CUX2: variants seen among roughly 807,000 people sequenced by gnomAD.
The protein encoded by CUX2 is homeobox protein cut-like 2.
Under a neutral mutation model 144.8 loss-of-function variants are expected in CUX2, and 40 were observed. The ratio of observed to expected loss-of-function variants is 0.28; its 90% CI spans 0.21 to 0.36. CUX2 has a LOEUF of 0.36. Among genes scored for constraint, CUX2 ranks in the 10% least tolerant of loss-of-function variants. CUX2 has a pLI of 1.00. For synonymous variants in CUX2, 827 were observed against 875.6 expected (o/e 0.94, Z 0.98); for missense variants, 1,615 against 1,994.0 (o/e 0.81, Z 3.62).
intron 3 of CUX2, among the ~76,000 whole-genome samples, chr12:111,222,131 A>G (rs1415743724): frequency 1.3e-5 from 2 of 152,214 alleles, no homozygotes; most frequent in African/African-American, 4.8e-5. Flanking sequence ...GCAACATGCA[A>G]TTAGCAGTTC....
At chr12:111,100,739 A>G (rs1873173762) in intron 1 of CUX2, among the ~76,000 whole-genome samples, 2 of 152,208 alleles carry the variant, frequency 1.3e-5, no homozygotes, top group African/African-American at 2.4e-5. Flanking sequence ...GACTGAGCAC[A>G]CGTTGCACAG....
intron 1 of CUX2, among the ~76,000 whole-genome samples, chr12:111,164,078 C>T (rs1288729392): frequency 6.6e-6 from 1 of 152,150 alleles, no homozygotes; most frequent in Non-Finnish European, 1.5e-5. Flanking sequence ...GCACTTAGAA[C>T]AGTCCCTGGC....
intron 1 of CUX2, among the ~76,000 whole-genome samples, chr12:111,080,926 A>G (rs974423504): frequency 1.1e-4 from 16 of 152,222 alleles, no homozygotes; most frequent in Non-Finnish European, 2.1e-4. Flanking sequence ...TTCCTCATCT[A>G]TAAAGTGGAG....
intron 3 of CUX2, among the ~76,000 whole-genome samples, chr12:111,223,119 C>A (rs1881940460): frequency 6.6e-6 from 1 of 152,092 alleles, no homozygotes; most frequent in South Asian, 2.1e-4. Context: ...CTCAACAGAT[C>A]CTTGTGGAGA....
chr12:111,191,180 T>C (rs996357846), intron 1 of CUX2, among the ~76,000 whole-genome samples: 2 of 152,116 alleles, frequency 1.3e-5, no homozygotes, highest in African/African-American at 4.8e-5. Context: ...GGGATAATGG[T>C]GGTACTCAAC....
intron 9 of CUX2, among the ~76,000 whole-genome samples, chr12:111,301,394 C>T (rs1837976578): frequency 6.6e-6 from 1 of 152,094 alleles, no homozygotes; most frequent in African/African-American, 2.4e-5. Flanking sequence ...AGGAGAGGGA[C>T]CTTCTGAGAG....
At chr12:111,036,665 G>A (rs1869470825) in intron 1 of CUX2, among the ~76,000 whole-genome samples, 2 of 150,980 alleles carry the variant, frequency 1.3e-5, no homozygotes, top group African/African-American at 4.9e-5. Context: ...AATGGCTAGT[G>A]TGTCTGGCAC....
chr12:111,197,576 C>A (rs905110502), intron 1 of CUX2, among the ~76,000 whole-genome samples: 1 of 152,202 alleles, frequency 6.6e-6, no homozygotes, highest in Non-Finnish European at 1.5e-5. Flanking sequence ...GAGAAAACAA[C>A]ACCCTCCTTC....
chr12:111,199,444 G>T (rs554245596), intron 1 of CUX2, among the ~76,000 whole-genome samples: 2 of 152,254 alleles, frequency 1.3e-5, no homozygotes, highest in South Asian at 4.1e-4. Context: ...ACAGACTCAG[G>T]CGTTAGGATT....
At chr12:111,098,485 C>G (rs1257133323) in intron 1 of CUX2, among the ~76,000 whole-genome samples, 1 of 152,018 alleles carries the variant, frequency 6.6e-6, no homozygotes, top group Non-Finnish European at 1.5e-5. Flanking sequence ...TTCCCGGGTA[C>G]AGGCCAACGA....
chr12:111,348,410 G>C lies in CUX2; in HGVS notation c.*85G>C. 1 of 1,269,884 alleles carries C rather than the reference G, an allele frequency of 7.9e-7. No individual in the cohort carries two copies. The highest frequency in any genetic ancestry group is 1.1e-6 in the Non-Finnish European group (1 of 913,168). The allele number at this position is 1,269,884 out of a possible 1,614,324, so 78.7% of individuals were successfully genotyped here. On this transcript the variant is annotated 3_prime_UTR_variant, in exon 22 of 22. Coordinates refer to ENST00000261726, the MANE Select transcript of CUX2 (RefSeq NM_015267.4). ...CTCCTCAACAGGATGGGGTAAGGGA[G>C]GGAGGAACTCAACCATCAAAATGTG...
rs1213708624 is a variant in CUX2 at position 111,184,596 on chromosome 12, A to AG, written c.64-29604_64-29603insG. Among the ~76,000 whole-genome samples, 87 of 150,818 alleles carry AG rather than the reference A, an allele frequency of 5.8e-4. 1 individual carries two copies. In the East Asian group the frequency reaches 0.014, roughly 24 times the overall value. ...ACCAAAAAAAAAAAAAAAAAAAAAAAAAACAGAAAAATTAGCTGGGTAAGG... is the reference window on the plus strand; with the variant it reads ...ACCAAAAAAAAAAAAAAAAAAAAAAAGAAACAGAAAAATTAGCTGGGTAAGG... On this transcript the variant is annotated intron_variant, in intron 1 of 21. Coordinates refer to ENST00000261726, the MANE Select transcript of CUX2 (RefSeq NM_015267.4).
chr12:111,044,787 G>A (rs1225372962), intron 1 of CUX2, among the ~76,000 whole-genome samples: 1 of 152,142 alleles, frequency 6.6e-6, no homozygotes, highest in African/African-American at 2.4e-5. Flanking sequence ...TCACCTTGAG[G>A]GGCAGTCTTG....
intron 1 of CUX2, among the ~76,000 whole-genome samples, chr12:111,182,280 ATAAT>A (rs1240942958): frequency 1.3e-5 from 2 of 152,240 alleles, no homozygotes; most frequent in African/African-American, 4.8e-5. Flanking sequence ...ACCACTTGAA[ATAAT>A]TAATTCCTCT....
chr12:111,138,623 G>T (rs542934374), intron 1 of CUX2, among the ~76,000 whole-genome samples: 10 of 152,200 alleles, frequency 6.6e-5, no homozygotes, highest in Non-Finnish European at 1.3e-4. Context: ...CTTCTTGATT[G>T]AATGCTAGGA....
chr12:111,241,740 C>T (rs963527273), intron 3 of CUX2, among the ~76,000 whole-genome samples: 2 of 152,276 alleles, frequency 1.3e-5, no homozygotes, highest in Non-Finnish European at 2.9e-5. Flanking sequence ...GCAGCTGGAG[C>T]AATCTGCTTC....
intron 18 of CUX2, among the ~76,000 whole-genome samples, chr12:111,330,508 A>G (rs1296827894): frequency 6.6e-6 from 1 of 150,408 alleles, no homozygotes; most frequent in Non-Finnish European, 1.5e-5. Flanking sequence ...CATAGCACTT[A>G]CCTCTTAGAG....
At chr12:111,239,425 T>C (rs1882914390) in intron 3 of CUX2, among the ~76,000 whole-genome samples, 1 of 152,174 alleles carries the variant, frequency 6.6e-6, no homozygotes, top group Non-Finnish European at 1.5e-5. Flanking sequence ...AATCTATCAA[T>C]CTGAGAAGTC....
chr12:111,276,620 G>A (rs1884884446), intron 4 of CUX2, among the ~76,000 whole-genome samples: 1 of 151,486 alleles, frequency 6.6e-6, no homozygotes, highest in South Asian at 2.1e-4. Context: ...TCACGTAGTT[G>A]TTTCCTTTTT....
Sources: allele counts gnomAD v4.1 joint callset (sites outside exome capture counted in the v4.1 genomes callset), GRCh38; gene constraint gnomAD v4.1.1; transcripts MANE v1.5; gene names NCBI Gene and HGNC (gene_info 2026-07-23, HGNC 2026-07-21).